The following TCF4 variants were observed in gnomAD, a reference collection of about 807,000 sequenced individuals.
TCF4 encodes the protein SL3-3 enhancer factor 2.
TCF4 carries 3 observed loss-of-function variants against 82.1 expected under a neutral mutation model. The ratio of observed to expected loss-of-function variants is 0.04; its 90% confidence interval spans 0.02 to 0.09. TCF4 has a LOEUF of 0.09. TCF4 is among the 10% of genes least tolerant of loss of function. TCF4 has a pLI of 1.00. For missense variants in TCF4, 518 were observed against 852.7 expected (o/e 0.61, Z 4.89); for synonymous variants, 276 against 309.6 (o/e 0.89, Z 1.14).
chr18:55,466,250 C>T (rs1275922657), intron 3 of TCF4, among the ~76,000 whole-genome samples: 3 of 152,242 alleles, frequency 2.0e-5, no homozygotes. Context: ...GATACCAGCA[C>T]GTTGGGAGGC....
At chr18:55,399,872 T>A (rs1265927000) in intron 6 of TCF4, among the ~76,000 whole-genome samples, 13 of 131,990 alleles carry the variant, frequency 9.8e-5, no homozygotes, top group African/African-American at 3.4e-4. Context: ...TCTCTCTCTC[T>A]CTCTCTCTCA....
rs75725390 is a variant in TCF4, at chr18:55,625,845, C to T, written c.286+5453G>A. ...TTCCTTTGATATATCCATCCAAATACGATTTCTCGTTCCACCTTCATAAGA... is the reference window on the plus strand; with the variant it reads ...TTCCTTTGATATATCCATCCAAATATGATTTCTCGTTCCACCTTCATAAGA... On this transcript the variant is annotated intron_variant, in intron 2 of 20. Transcript: ENST00000398339. 1.1e-3 allele frequency among the ~76,000 whole-genome samples: 173 copies of T among 152,246 alleles called. 2 individuals carry two copies. The East Asian group carries it at 0.032, about 28-fold the overall frequency.
chr18:55,315,902 T>C (rs1463491128), intron 8 of TCF4, among the ~76,000 whole-genome samples: 23 of 152,116 alleles, frequency 1.5e-4, no homozygotes, highest in Non-Finnish European at 2.9e-5. Flanking sequence ...ATTTCCTAAA[T>C]AGATTATAAA....
chr18:55,593,677 C>G (rs1419708103), intron 2 of TCF4, among the ~76,000 whole-genome samples: 2 of 152,108 alleles, frequency 1.3e-5, no homozygotes, highest in African/African-American at 4.8e-5. Context: ...CGAGTCCCAC[C>G]TGTGTTAAAA....
chr18:55,586,113 A>AGAAGAG (rs2097642607), intron 2 of TCF4: 2 of 1,418,008 alleles, frequency 1.4e-6, no homozygotes, highest in South Asian at 1.3e-5. Context: ...AAGAAGGTCT[A>AGAAGAG]GAAGAGGAGG....
intron 5 of TCF4, among the ~76,000 whole-genome samples, chr18:55,421,801 T>C (rs2094768950): frequency 6.6e-6 from 1 of 152,194 alleles, no homozygotes. Context: ...TCAGTTTAAC[T>C]TCAGGCTTGT....
intron 5 of TCF4, among the ~76,000 whole-genome samples, chr18:55,412,590 C>T (rs1260645867): frequency 1.3e-5 from 2 of 152,106 alleles, no homozygotes; most frequent in Non-Finnish European, 2.9e-5. Flanking sequence ...GGTCCTTCTA[C>T]CCCTTCTCTG....
chr18:55,290,566 C>T lies in TCF4; in HGVS notation c.550-10910G>A, dbSNP rs568252362. Among the ~76,000 whole-genome samples, 20 of 152,230 alleles carry T rather than the reference C, an allele frequency of 1.3e-4. No individual in the cohort carries two copies. In the South Asian group the frequency reaches 4.1e-3, roughly 32 times the overall value. The stretch of plus-strand genomic sequence containing the variant: ...GAGAGGTTGTTACAAGAAGGGAAAG[C>T]AGTACAAAGAAAAATGCTAACTACA... On this transcript the variant is annotated intron_variant, in intron 8 of 19. Coordinates refer to ENST00000354452, the MANE Select transcript of TCF4 (RefSeq NM_001083962.2).
intron 3 of TCF4, among the ~76,000 whole-genome samples, chr18:55,478,592 T>A (rs774407998): frequency 3.3e-5 from 5 of 152,048 alleles, no homozygotes; most frequent in Non-Finnish European, 5.9e-5. Flanking sequence ...GTAAGAAACC[T>A]ACAGAAAAGA....
intron 8 of TCF4, among the ~76,000 whole-genome samples, chr18:55,293,514 T>C (rs1601657509): frequency 6.6e-6 from 1 of 152,150 alleles, no homozygotes; most frequent in East Asian, 1.9e-4. Context: ...TGATCCCTAA[T>C]GTGCTCTACA....
chr18:55,280,153 G>C (rs1291369063), intron 8 of TCF4, among the ~76,000 whole-genome samples: 3 of 152,138 alleles, frequency 2.0e-5, no homozygotes, highest in Non-Finnish European at 4.4e-5. Flanking sequence ...CCAAACCACA[G>C]AAAGTGATAA....
upstream of TCF4, among the ~76,000 whole-genome samples, chr18:55,593,102 A>G (rs2097687347): frequency 6.6e-6 from 1 of 152,188 alleles, no homozygotes; most frequent in Non-Finnish European, 1.5e-5. Flanking sequence ...AGTGACCGCT[A>G]TTCTAGGGGG....
intron 8 of TCF4, among the ~76,000 whole-genome samples, chr18:55,283,315 C>T (rs1350976320): frequency 1.3e-5 from 2 of 151,846 alleles, no homozygotes; most frequent in Admixed American, 1.3e-4. Flanking sequence ...TAAATAAAAC[C>T]TGTGCCTAAC....
intron 15 of TCF4, among the ~76,000 whole-genome samples, 166 bp downstream of exon 15, chr18:55,254,331 A>G (rs1446621027): frequency 1.3e-5 from 2 of 152,218 alleles, no homozygotes; most frequent in Non-Finnish European, 2.9e-5. Context: ...ACAACCTTGT[A>G]AATACACTAA....
At chr18:55,457,943 C>T (rs1218794549) in intron 5 of TCF4, among the ~76,000 whole-genome samples, 1 of 152,084 alleles carries the variant, frequency 6.6e-6, no homozygotes, top group African/African-American at 2.4e-5. Flanking sequence ...AAATTGTATA[C>T]TGCCATAAAG....
chr18:55,567,211 A>G (rs2097417341), intron 3 of TCF4, among the ~76,000 whole-genome samples: 1 of 152,232 alleles, frequency 6.6e-6, no homozygotes, highest in Admixed American at 6.5e-5. Flanking sequence ...CAGACAAAAC[A>G]GAGTTTAAGA....
chr18:55,429,515 C>G (rs1004827364), intron 5 of TCF4, among the ~76,000 whole-genome samples: 2 of 152,152 alleles, frequency 1.3e-5, no homozygotes, highest in African/African-American at 4.8e-5. Context: ...GTAATCCCAG[C>G]ACTTTGGGAG....
At chr18:55,394,750 T>C (rs943126582) in intron 6 of TCF4, among the ~76,000 whole-genome samples, 1 of 152,164 alleles carries the variant, frequency 6.6e-6, no homozygotes, top group Admixed American at 6.5e-5. Flanking sequence ...TTCTATGAGA[T>C]TAGAAAACAA....
At chr18:55,328,623 T>G (rs1171148739) in intron 8 of TCF4, among the ~76,000 whole-genome samples, 1 of 152,102 alleles carries the variant, frequency 6.6e-6, no homozygotes, top group Admixed American at 6.6e-5. Context: ...TTTTTTTCCC[T>G]CAAAATGGTA....
Sources: allele counts gnomAD v4.1 joint callset (sites outside exome capture counted in the v4.1 genomes callset), GRCh38; gene constraint gnomAD v4.1.1; transcripts MANE v1.5; gene names NCBI Gene and HGNC (gene_info 2026-07-23, HGNC 2026-07-21).